BBX: variants seen among roughly 807,000 people sequenced by gnomAD.
BBX encodes HMG box transcription factor BBX.
Under a neutral mutation model 100.2 loss-of-function variants are expected in BBX, and 30 were observed. The observed-to-expected ratio is 0.30, with a 90% CI of 0.22 to 0.41. BBX has a LOEUF of 0.41. BBX is among the 10% of genes least tolerant of loss of function. The probability of loss-of-function intolerance (pLI) is 1.00; values close to 1 mark genes in which losing one functional copy is unlikely to be tolerated. For missense variants in BBX, 1,023 were observed against 1,129.8 expected (o/e 0.91, Z 1.35); for synonymous variants, 376 against 388.1 (o/e 0.97, Z 0.37).
chr3:107,573,960 G>T (rs936950998), intron 2 of BBX, among the ~76,000 whole-genome samples: 1 of 152,032 alleles, frequency 6.6e-6, no homozygotes, highest in African/African-American at 2.4e-5. Flanking sequence ...CCTGATCTCG[G>T]GTGATCCACC....
intron 2 of BBX, among the ~76,000 whole-genome samples, chr3:107,611,021 T>A (rs181655009): frequency 1.1e-3 from 167 of 152,240 alleles, no homozygotes; most frequent in African/African-American, 3.6e-3. Context: ...GTTCATCTGT[T>A]GTATGTTTTT....
At chr3:107,558,824 G>A (rs1013072404) in intron 2 of BBX, among the ~76,000 whole-genome samples, 1 of 152,318 alleles carries the variant, frequency 6.6e-6, no homozygotes, top group Admixed American at 6.5e-5. Flanking sequence ...TATACCATGT[G>A]CAGTAGTCAG....
At chr3:107,659,882 A>C (rs1576217386) in intron 3 of BBX, 3 of 515,854 alleles carry the variant, frequency 5.8e-6, no homozygotes, top group African/African-American at 4.1e-5. Context: ...ATTAAGAGGG[A>C]CGTATAATAT....
chr3:107,740,159 C>T (rs1309309248), intron 7 of BBX, among the ~76,000 whole-genome samples: 4 of 151,890 alleles, frequency 2.6e-5, no homozygotes, highest in East Asian at 1.9e-4. Flanking sequence ...TGTAGTGCAC[C>T]GCTTGTGTCA....
chr3:107,777,273 G>A (rs1022179211), intron 12 of BBX, among the ~76,000 whole-genome samples: 2 of 152,126 alleles, frequency 1.3e-5, no homozygotes, highest in African/African-American at 4.8e-5. Flanking sequence ...CCCCCCTCCA[G>A]TAAAGGGGTG....
chr3:107,687,840 A>C (rs2059935859), intron 3 of BBX, among the ~76,000 whole-genome samples: 1 of 152,182 alleles, frequency 6.6e-6, no homozygotes, highest in African/African-American at 2.4e-5. Context: ...GGATCACCTG[A>C]GGTCAGGAGT....
chr3:107,795,276 G>C (rs2069503808), intron 15 of BBX, among the ~76,000 whole-genome samples: 1 of 152,024 alleles, frequency 6.6e-6, no homozygotes, highest in Admixed American at 6.6e-5. Context: ...CTACTGTTTT[G>C]TTCCAGAAAA....
intron 13 of BBX, among the ~76,000 whole-genome samples, chr3:107,779,303 C>T (rs1198250944): frequency 6.6e-6 from 1 of 151,790 alleles, no homozygotes; most frequent in Admixed American, 6.6e-5. Context: ...GCCCTTCAAG[C>T]ACAGTGAAGG....
rs367860245 is a variant in BBX at position 107,659,664 on chromosome 3, G to A, written c.-10+13755G>A. ...GAATTCAAACTCAGGCTGTCTGGCT[G>A]CAGGGTTTGTTCTCCTAACCACACC... On this transcript the variant is annotated intron_variant, in intron 3 of 17. Transcript: ENST00000325805. 36 of 1,139,624 alleles carry A rather than the reference G, an allele frequency of 3.2e-5. No individual in the cohort carries two copies. The East Asian group carries it at 2.1e-3, about 65-fold the overall frequency. The allele number at this position is 1,139,624 out of a possible 1,614,324, so 70.6% of individuals were successfully genotyped here.
chr3:107,757,058 C>T (rs2065534932), intron 10 of BBX, among the ~76,000 whole-genome samples: 1 of 151,940 alleles, frequency 6.6e-6, no homozygotes, highest in South Asian at 2.1e-4. Flanking sequence ...ATGTATGACC[C>T]TCTGCTTGTG....
intron 2 of BBX, among the ~76,000 whole-genome samples, chr3:107,537,271 A>C (rs2048561593): frequency 6.6e-6 from 1 of 152,174 alleles, no homozygotes; most frequent in East Asian, 1.9e-4. Context: ...ACCAAAGAGA[A>C]TTGTTCAGCT....
chr3:107,580,130 G>T (rs1041581270), intron 2 of BBX, among the ~76,000 whole-genome samples: 3 of 152,004 alleles, frequency 2.0e-5, no homozygotes, highest in East Asian at 3.8e-4. Flanking sequence ...AGTTAATTGG[G>T]TCTAGTTCAT....
chr3:107,613,029 A>T (rs1253280076), intron 2 of BBX, among the ~76,000 whole-genome samples: 1 of 151,914 alleles, frequency 6.6e-6, no homozygotes, highest in East Asian at 1.9e-4. Flanking sequence ...CACAACCACC[A>T]CCACAGACCC....
intron 3 of BBX, among the ~76,000 whole-genome samples, chr3:107,654,515 G>C (rs1172971808): frequency 6.6e-6 from 1 of 151,860 alleles, no homozygotes; most frequent in African/African-American, 2.4e-5. Flanking sequence ...AAATATTTTA[G>C]AACTTTTACT....
At chr3:107,545,492 G>A (rs933565552) in intron 2 of BBX, among the ~76,000 whole-genome samples, 1 of 152,198 alleles carries the variant, frequency 6.6e-6, no homozygotes, top group Non-Finnish European at 1.5e-5. Context: ...AGTGATAGCA[G>A]ATCAGTACCT....
chr3:107,526,222 T>C, intron 1 of BBX, 105 bp from the exon 2 acceptor site: 1 of 397,872 alleles, frequency 2.5e-6, no homozygotes, highest in Admixed American at 4.4e-5. Flanking sequence ...GGAGCTGGAC[T>C]CCTGGGTTTT....
At chr3:107,567,846 A>G (rs1576334611) in intron 2 of BBX, among the ~76,000 whole-genome samples, 1 of 152,010 alleles carries the variant, frequency 6.6e-6, no homozygotes, top group East Asian at 1.9e-4. Context: ...TTTGAATAGC[A>G]TACATTCCTT....
chr3:107,691,809 A>T (rs2108079893), intron 3 of BBX, among the ~76,000 whole-genome samples: 1 of 152,356 alleles, frequency 6.6e-6, no homozygotes, highest in Admixed American at 6.5e-5. Flanking sequence ...GTAAATGGTG[A>T]GTCTAATTCT....
chr3:107,584,537 A>G (rs1038611080), intron 2 of BBX, among the ~76,000 whole-genome samples: 22 of 151,554 alleles, frequency 1.5e-4, no homozygotes, highest in African/African-American at 5.3e-4. Flanking sequence ...TAATGTCATT[A>G]TTTTAATTCA....
Sources: gnomAD v4.1 joint callset for allele counts (sites outside exome capture counted in the v4.1 genomes callset) on GRCh38, gnomAD v4.1.1 for gene constraint, MANE v1.5 for transcripts, NCBI Gene and HGNC (gene_info 2026-07-23, HGNC 2026-07-21) for gene names.